PACRG: variants seen among roughly 807,000 people sequenced by gnomAD.
PACRG encodes parkin coregulated.
Under a neutral mutation model 29.7 loss-of-function variants are expected in PACRG, and 29 were observed. That is an observed-to-expected ratio of 0.98 (90% CI 0.73 to 1.33). PACRG has a LOEUF of 1.33. Among genes scored for constraint, PACRG ranks in the 40% most tolerant of loss-of-function variants. PACRG has a pLI of 0.00. For missense variants in PACRG, 279 were observed against 316.2 expected, an observed-to-expected ratio of 0.88 and a Z score of 0.89; for synonymous variants, 116 against 118.7, an observed-to-expected ratio of 0.98 and a Z score of 0.15.
At chr6:163,314,535 A>G (rs1785570533) in intron 4 of PACRG, among the ~76,000 whole-genome samples, 1 of 152,178 alleles carries the variant, frequency 6.6e-6, no homozygotes, top group Admixed American at 6.5e-5. Context: ...CACTCTGTAT[A>G]TAATAGATCA....
At chr6:162,881,346 C>T (rs1438916572) in intron 2 of PACRG, among the ~76,000 whole-genome samples, 1 of 151,844 alleles carries the variant, frequency 6.6e-6, no homozygotes, top group Non-Finnish European at 1.5e-5. Context: ...GTCCTACATG[C>T]ACCCACGCAA....
intron 2 of PACRG, among the ~76,000 whole-genome samples, chr6:163,053,384 A>C (rs2128250316): frequency 6.6e-6 from 1 of 152,258 alleles, no homozygotes; most frequent in Non-Finnish European, 1.5e-5. Flanking sequence ...TTTTTAAATA[A>C]GGACCTCTTA....
chr6:163,046,608 T>C (rs1809423815), intron 2 of PACRG: 1 of 151,968 alleles, frequency 6.6e-6, no homozygotes, highest in African/African-American at 2.4e-5. Context: ...AACCCGGGGG[T>C]GCCTGATTCC....
chr6:163,258,090 G>T (rs1242366110), intron 4 of PACRG, among the ~76,000 whole-genome samples: 1 of 151,802 alleles, frequency 6.6e-6, no homozygotes. Context: ...CACTATTAAG[G>T]AATCATTCTT....
chr6:162,996,820 A>G (rs1804107314), intron 2 of PACRG, among the ~76,000 whole-genome samples: 1 of 152,158 alleles, frequency 6.6e-6, no homozygotes, highest in Non-Finnish European at 1.5e-5. Context: ...TTTTCTACCA[A>G]GAGCACACAT....
chr6:162,957,320 G>A, intron 2 of PACRG: 1 of 590,562 alleles, frequency 1.7e-6, no homozygotes. Context: ...ATCCTGTCCT[G>A]AACACATTTA....
intron 2 of PACRG, among the ~76,000 whole-genome samples, chr6:162,826,429 T>G (rs1279848289): frequency 1.3e-5 from 2 of 152,068 alleles, no homozygotes; most frequent in East Asian, 3.9e-4. Context: ...TGTTCCTATT[T>G]CAGTACTGGA....
At chr6:163,006,859 G>A (rs2128206276) in intron 2 of PACRG, among the ~76,000 whole-genome samples, 1 of 151,724 alleles carries the variant, frequency 6.6e-6, no homozygotes. Flanking sequence ...CTCGGAGGCA[G>A]CTTATAATGT....
intron 4 of PACRG, among the ~76,000 whole-genome samples, chr6:163,220,422 T>G (rs1316363635): frequency 1.3e-5 from 2 of 151,960 alleles, no homozygotes; most frequent in Non-Finnish European, 2.9e-5. Flanking sequence ...AGATGTAGAT[T>G]TGCACACGCC....
chr6:163,187,430 C>G (rs1028716118), intron 4 of PACRG, among the ~76,000 whole-genome samples: 1 of 152,176 alleles, frequency 6.6e-6, no homozygotes, highest in Non-Finnish European at 1.5e-5. Context: ...CTTTGCAGCA[C>G]TGCTGAGAAC....
At chr6:163,189,376 G>A (rs990294231) in intron 4 of PACRG, 2 of 152,208 alleles carry the variant, frequency 1.3e-5, no homozygotes, top group African/African-American at 2.4e-5. Context: ...TTTAAAAAAA[G>A]AGAGAATTAT....
At chr6:162,919,915 T>C (rs551302144) in intron 2 of PACRG, among the ~76,000 whole-genome samples, 1 of 152,236 alleles carries the variant, frequency 6.6e-6, no homozygotes, top group Non-Finnish European at 1.5e-5. Context: ...ACTATTTTAT[T>C]AAAATAATCT....
chr6:162,800,008 T>C (rs1785723176), intron 1 of PACRG, among the ~76,000 whole-genome samples: 1 of 152,188 alleles, frequency 6.6e-6, no homozygotes, highest in Non-Finnish European at 1.5e-5. Context: ...CCTTTGGCCT[T>C]AGAGTTAGGT....
chr6:162,918,022 G>C (rs1238738652), intron 2 of PACRG, among the ~76,000 whole-genome samples: 2 of 152,078 alleles, frequency 1.3e-5, no homozygotes, highest in East Asian at 3.8e-4. Flanking sequence ...TTCAGACATA[G>C]ACAAATTATT....
chr6:163,271,989 A>G (rs1783847531), intron 4 of PACRG, among the ~76,000 whole-genome samples: 1 of 151,696 alleles, frequency 6.6e-6, no homozygotes, highest in African/African-American at 2.4e-5. Flanking sequence ...TATAAAAACT[A>G]TTGAAGTCTG....
At chr6:162,996,736 T>TA (rs1487088081) in intron 2 of PACRG, among the ~76,000 whole-genome samples, 1 of 152,188 alleles carries the variant, frequency 6.6e-6, no homozygotes, top group African/African-American at 2.4e-5. Context: ...TTCAAAGTAT[T>TA]AACAGTAACT....
intron 2 of PACRG, among the ~76,000 whole-genome samples, chr6:163,043,824 C>G (rs1251695097): frequency 6.6e-6 from 1 of 152,084 alleles, no homozygotes; most frequent in East Asian, 1.9e-4. Flanking sequence ...TGTGCGGAGG[C>G]CAGGATTATA....
chr6:163,205,756 T>C (rs997381412), intron 4 of PACRG, among the ~76,000 whole-genome samples: 1 of 152,152 alleles, frequency 6.6e-6, no homozygotes, highest in Middle Eastern at 3.4e-3. Flanking sequence ...AAGGAAACCA[T>C]TGACAGAGTA....
intron 2 of PACRG, among the ~76,000 whole-genome samples, chr6:162,908,195 A>G (rs1796066035): frequency 6.6e-6 from 1 of 152,254 alleles, no homozygotes. Flanking sequence ...CTTTATACAG[A>G]AACAATAAAA....
Sources: allele counts gnomAD v4.1 joint callset (sites outside exome capture counted in the v4.1 genomes callset), GRCh38; gene constraint gnomAD v4.1.1; transcripts MANE v1.5; gene names NCBI Gene and HGNC (gene_info 2026-07-23, HGNC 2026-07-21).